The following RAD51B variants were observed in gnomAD, a reference collection of about 807,000 sequenced individuals.
RAD51B encodes the protein RAD51 paralog B, also known as DNA repair protein RAD51 homolog 2.
RAD51B carries 38 observed loss-of-function variants against 42.2 expected under a neutral mutation model. That is an observed-to-expected ratio of 0.90 (90% CI 0.70 to 1.18). RAD51B has a LOEUF of 1.18. RAD51B is among the 50% of genes most tolerant of loss of function. The pLI is 0.00. For synonymous variants in RAD51B, 154 were observed against 145.2 expected, an observed-to-expected ratio of 1.06 and a Z score of -0.43; for missense variants, 373 against 400.7, an observed-to-expected ratio of 0.93 and a Z score of 0.59.
rs146046623 is a variant in RAD51B, at chr14:68,258,616, G to GGT, written c.757-33256_757-33255dup. Among the ~76,000 whole-genome samples, 1,516 of 151,818 alleles carry GGT rather than the reference G, an allele frequency of 1.0e-2. 22 individuals are homozygous for GGT. Among genetic ancestry groups the GGT allele is most frequent in the African/African-American group, 0.034 (1,420 of 41,382 alleles). On this transcript the variant is annotated intron_variant, in intron 7 of 10. Transcript: ENST00000471583. ...GCTGGGTTCATGACTAATAAAATGGGGTGTGTGTGTGTGCGTATGTAAGGT... is the reference window on the plus strand; with the variant it reads ...GCTGGGTTCATGACTAATAAAATGGGGTGTGTGTGTGTGTGCGTATGTAAGGT...
At chr14:68,247,166 G>A (rs572850763) in intron 7 of RAD51B, among the ~76,000 whole-genome samples, 6 of 151,862 alleles carry the variant, frequency 4.0e-5, no homozygotes, top group African/African-American at 9.7e-5. Context: ...TGGCTAACTC[G>A]TAGGAAGAGA....
intron 10 of RAD51B, among the ~76,000 whole-genome samples, chr14:68,502,269 G>A (rs1181375317): frequency 3.3e-5 from 5 of 152,218 alleles, no homozygotes; most frequent in Non-Finnish European, 5.9e-5. Context: ...CCACAGACAG[G>A]CTGAACAGAA....
intron 7 of RAD51B, among the ~76,000 whole-genome samples, chr14:67,910,274 C>G (rs1422190092): frequency 6.7e-6 from 1 of 150,104 alleles, no homozygotes; most frequent in African/African-American, 2.5e-5. Flanking sequence ...TTTCTTGTTT[C>G]TGCTTTAACT....
chr14:68,029,461 A>G (rs904705712), intron 7 of RAD51B, among the ~76,000 whole-genome samples: 14 of 152,344 alleles, frequency 9.2e-5, no homozygotes, highest in African/African-American at 3.1e-4. Flanking sequence ...TATCCATAAG[A>G]TAGATCCATA....
At chr14:68,226,645 C>T (rs1595574362) in intron 7 of RAD51B, among the ~76,000 whole-genome samples, 2 of 152,184 alleles carry the variant, frequency 1.3e-5, no homozygotes, top group East Asian at 3.9e-4. Flanking sequence ...GTGCAGCTTC[C>T]CCAGCCATGT....
chr14:67,937,207 A>AT (rs2044986939), intron 7 of RAD51B, among the ~76,000 whole-genome samples: 1 of 152,210 alleles, frequency 6.6e-6, no homozygotes, highest in Non-Finnish European at 1.5e-5. Context: ...ATGTAATACA[A>AT]TTATGGGAAG....
intron 10 of RAD51B, among the ~76,000 whole-genome samples, chr14:68,493,024 C>T (rs192616091): frequency 2.0e-5 from 3 of 152,164 alleles, no homozygotes; most frequent in African/African-American, 4.8e-5. Flanking sequence ...AGCATCCCTC[C>T]GAGCTTCCCT....
chr14:68,492,091 G>A (rs1884123928), intron 10 of RAD51B, among the ~76,000 whole-genome samples: 1 of 152,094 alleles, frequency 6.6e-6, no homozygotes, highest in African/African-American at 2.4e-5. Context: ...ACCCTTGCTG[G>A]AACCCTTTTC....
intron 7 of RAD51B, among the ~76,000 whole-genome samples, chr14:68,199,246 A>AT (rs1376310098): frequency 2.0e-5 from 3 of 152,154 alleles, no homozygotes; most frequent in African/African-American, 2.4e-5. Context: ...CAGAAAGACT[A>AT]TTTTTTTTCC....
At chr14:68,250,920 T>A (rs2080615347) in intron 7 of RAD51B, among the ~76,000 whole-genome samples, 1 of 152,170 alleles carries the variant, frequency 6.6e-6, no homozygotes, top group Non-Finnish European at 1.5e-5. Flanking sequence ...GGACACAAGC[T>A]GTATATATCA....
chr14:67,935,696 T>A (rs551936186), intron 7 of RAD51B, among the ~76,000 whole-genome samples: 22 of 152,312 alleles, frequency 1.4e-4, no homozygotes, highest in African/African-American at 5.1e-4. Flanking sequence ...GTGGATTCTG[T>A]TGCGTTGTCT....
intron 7 of RAD51B, among the ~76,000 whole-genome samples, chr14:68,281,783 A>G (rs953171416): frequency 1.3e-5 from 2 of 152,222 alleles, no homozygotes; most frequent in Non-Finnish European, 2.9e-5. Context: ...TGTACTGGGC[A>G]GGTTTAGCCA....
chr14:68,248,329 G>T (rs1337953412), intron 7 of RAD51B, among the ~76,000 whole-genome samples: 1 of 152,054 alleles, frequency 6.6e-6, no homozygotes, highest in Non-Finnish European at 1.5e-5. Context: ...GGTTTTTGAG[G>T]TTATGTTCTT....
At chr14:68,423,213 G>C (rs1455849956) in intron 9 of RAD51B, among the ~76,000 whole-genome samples, 1 of 152,096 alleles carries the variant, frequency 6.6e-6, no homozygotes, top group African/African-American at 2.4e-5. Flanking sequence ...TTCTCTAACA[G>C]AATTCTCTGA....
intron 3 of RAD51B, among the ~76,000 whole-genome samples, chr14:67,834,589 T>C (rs911554643): frequency 6.6e-6 from 1 of 152,164 alleles, no homozygotes. Context: ...TCAACCATTC[T>C]AAATGAACTG....
chr14:68,060,302 AC>A (rs1380482288), intron 7 of RAD51B, among the ~76,000 whole-genome samples: 1 of 152,202 alleles, frequency 6.6e-6, no homozygotes, highest in African/African-American at 2.4e-5. Context: ...AGTTACCACA[AC>A]TATTTCTGCT....
At chr14:68,602,575 T>C (rs930358668) in intron 10 of RAD51B, among the ~76,000 whole-genome samples, 2 of 152,148 alleles carry the variant, frequency 1.3e-5, no homozygotes, top group South Asian at 2.1e-4. Flanking sequence ...TATTAGATGA[T>C]AGAAAAGCAA....
At chr14:68,383,763 C>T (rs889975185) in intron 8 of RAD51B, among the ~76,000 whole-genome samples, 2 of 152,134 alleles carry the variant, frequency 1.3e-5, no homozygotes, top group South Asian at 2.1e-4. Context: ...TGCTGCCCTG[C>T]GTTATCAGAG....
intron 10 of RAD51B, among the ~76,000 whole-genome samples, chr14:68,539,744 T>C (rs1413300573): frequency 6.6e-6 from 1 of 152,206 alleles, no homozygotes; most frequent in Non-Finnish European, 1.5e-5. Context: ...GAAAAATCAT[T>C]CTTTGGCCGC....
Sources: allele counts gnomAD v4.1 joint callset (sites outside exome capture counted in the v4.1 genomes callset), GRCh38; gene constraint gnomAD v4.1.1; transcripts MANE v1.5; gene names NCBI Gene and HGNC (gene_info 2026-07-23, HGNC 2026-07-21).